The following INSYN2A variants were observed in gnomAD, a reference collection of about 807,000 sequenced individuals.
INSYN2A encodes the protein family with sequence similarity 196 member A.
Under a neutral mutation model 39.4 loss-of-function variants are expected in INSYN2A, and 17 were observed. The ratio of observed to expected loss-of-function variants is 0.43; its 90% confidence interval spans 0.30 to 0.65. The LOEUF is 0.65. Ranked by LOEUF, INSYN2A falls within the 30% of genes least tolerant of loss-of-function variation. The pLI, the probability that INSYN2A is intolerant of heterozygous loss-of-function variation, is 0.14. For missense variants in INSYN2A, 595 were observed against 631.2 expected (o/e 0.94, Z 0.61); for synonymous variants, 255 against 265.7 (o/e 0.96, Z 0.39).
intron 2 of INSYN2A, among the ~76,000 whole-genome samples, chr10:127,186,413 G>A (rs2056233399): frequency 6.7e-6 from 1 of 149,442 alleles, no homozygotes; most frequent in African/African-American, 2.5e-5. Context: ...TGTAATCCCA[G>A]CTACTTGGGA....
At position 127,175,600 on chromosome 10, in the gene INSYN2A, G is replaced by C; in HGVS notation, c.796C>G (p.Pro266Ala). ...GCAGAGTCTGACAAACCAGGCTCGG[G>C]GGCCCTGGCACTGAGGGCAGGTGCG... ...VYAPALSARA[P>A]EPGLSDSAAA... The change falls in exon 4 of 6, where the codon CCC (proline) becomes GCC (alanine). Residue 266 changes from proline to alanine, a missense_variant. By Grantham distance (27) the Pro-to-Ala change is conservative (BLOSUM62 -1). Around this residue, in one of 2 missense-constraint regions of INSYN2A, gnomAD observed 478 missense variants for 467.4 expected, o/e 1.02. Transcript: ENST00000522781. The surrounding 1 kb of genome is among the most constrained non-coding windows in gnomAD (Gnocchi z 6.3). 1 of 1,612,648 alleles carries C rather than the reference G, an allele frequency of 6.2e-7. No individual in the cohort carries two copies. Among genetic ancestry groups the C allele is most frequent in the Non-Finnish European group, 8.5e-7 (1 of 1,179,912 alleles).
At chr10:127,169,903 C>T (rs777827488) in intron 4 of INSYN2A, among the ~76,000 whole-genome samples, 2 of 152,146 alleles carry the variant, frequency 1.3e-5, no homozygotes, top group Non-Finnish European at 2.9e-5. Flanking sequence ...TGTATTAACT[C>T]GTTCCATCCC....
At chr10:127,148,139 C>A (rs2052097800) in intron 5 of INSYN2A, among the ~76,000 whole-genome samples, 1 of 152,172 alleles carries the variant, frequency 6.6e-6, no homozygotes, top group Non-Finnish European at 1.5e-5. Flanking sequence ...CACAAGCTCC[C>A]CCTCTCTGAT....
chr10:127,145,071 C>CT (rs1716181302), intron 5 of INSYN2A, among the ~76,000 whole-genome samples: 1 of 152,188 alleles, frequency 6.6e-6, no homozygotes, highest in African/African-American at 2.4e-5. Context: ...CGTGACCATA[C>CT]TGGAGAACTT....
chr10:127,176,196 C>G lies in INSYN2A; in HGVS notation c.200G>C (p.Gly67Ala). 6.2e-7 allele frequency: 1 copy of G among 1,614,098 alleles called. No homozygotes were observed. ...GGCCTCCCGCTTCTCCCCCAGCTGG[C>G]CCGAGGACAGCTGTGTGTCCCTCTG... The part of the protein sequence containing the change: ...NEQRDTQLSS[G>A]QLGEKREAKP... The change falls in exon 4 of 6, where the codon GGC becomes GCC. Residue 67 changes from glycine (G) to alanine (A), a missense_variant. Transcript: ENST00000522781. This position sits in a 1 kb window ranked among gnomAD's most constrained non-coding sequence, Gnocchi z 4.4.
intron 2 of INSYN2A, among the ~76,000 whole-genome samples, chr10:127,191,878 G>A (rs1335434081): frequency 1.3e-5 from 2 of 152,218 alleles, no homozygotes; most frequent in Non-Finnish European, 2.9e-5. Flanking sequence ...TGGAGTGAGA[G>A]CAACTTTTAT....
Position 127,147,623 on chromosome 10 carries a change from C to T in INSYN2A, c.1256+6229G>A, listed in dbSNP as rs535601429. 2.4e-4 allele frequency among the ~76,000 whole-genome samples: 37 copies of T among 152,254 alleles called. No homozygotes were observed. In the South Asian group the frequency reaches 2.7e-3, roughly 11 times the overall value. The stretch of plus-strand genomic sequence containing the variant: ...CACACTCCTCCCAGTCTCCCAGGGC[C>T]TGGTGCAGAACTTGTCCTTAGGAGG... On this transcript the variant is annotated intron_variant, in intron 5 of 5. Transcript: ENST00000522781.
intron 5 of INSYN2A, among the ~76,000 whole-genome samples, chr10:127,149,944 G>C (rs945118055): frequency 1.3e-5 from 2 of 152,154 alleles, no homozygotes; most frequent in Non-Finnish European, 2.9e-5. Flanking sequence ...CTAAGAGCCA[G>C]GCTTTGATCT....
At position 127,175,437 on chromosome 10, in the gene INSYN2A, T is replaced by C. The variant is rs1235460391; in HGVS notation, c.959A>G (p.Glu320Gly). Residue 320 changes from glutamate (E) to glycine (G), a missense_variant, in exon 4 of 6, where the codon GAG becomes GGG. Physicochemically the swap from Glu to Gly is moderately conservative, Grantham distance 98 (BLOSUM62 -2). Transcript: ENST00000522781. This position sits in a 1 kb window ranked among gnomAD's most constrained non-coding sequence, Gnocchi z 6.3. ...CGGGGTGTGAGTCTGCGACGGCTGC[T>C]CACTACATTCGGGGGACAGGCACTG... ...PMQCLSPECS[E>G]QPSQTHTPPG... 6.2e-7 allele frequency: 1 copy of C among 1,612,502 alleles called. No homozygotes were observed. The highest frequency in any genetic ancestry group is 8.5e-7 in the Non-Finnish European group (1 of 1,180,016).
At chr10:127,139,899 C>T (rs2051060501) in intron 5 of INSYN2A, among the ~76,000 whole-genome samples, 1 of 152,122 alleles carries the variant, frequency 6.6e-6, no homozygotes, top group Admixed American at 6.5e-5. Context: ...GATCACTAAT[C>T]TTATAATGGA....
intron 2 of INSYN2A, among the ~76,000 whole-genome samples, chr10:127,187,744 AAGAGAGAAAGAG>A (rs2056411488): frequency 2.5e-5 from 1 of 40,084 alleles, no homozygotes; most frequent in Admixed American, 3.0e-4. Flanking sequence ...GAAAGAAAGA[AAGAGAGAAAGAG>A]AGAAAGAAAG....
At chr10:127,140,432 G>A (rs2133272771) in intron 5 of INSYN2A, among the ~76,000 whole-genome samples, 1 of 152,314 alleles carries the variant, frequency 6.6e-6, no homozygotes, top group Middle Eastern at 3.4e-3. Flanking sequence ...CCAGCAAGTT[G>A]ACCCTGAGGT....
chr10:127,160,043 T>C (rs1444516597), intron 4 of INSYN2A, among the ~76,000 whole-genome samples: 2 of 151,846 alleles, frequency 1.3e-5, no homozygotes, highest in Non-Finnish European at 2.9e-5. Context: ...GCTTAGTGTC[T>C]CCGAGACCTT....
At chr10:127,148,617 G>C (rs1391566571) in intron 5 of INSYN2A, among the ~76,000 whole-genome samples, 1 of 152,158 alleles carries the variant, frequency 6.6e-6, no homozygotes, top group Non-Finnish European at 1.5e-5. Context: ...CCGAACAAAA[G>C]CTGAATCATC....
rs1428778012 is a variant in INSYN2A at position 127,196,504 on chromosome 10, G to A, written c.-902C>T. ...CGCTGCTCCAGGTCCCAGCTACTCC[G>A]CGGAGCCGGGCGGCCAGAGGCGAGG... is the stretch of plus-strand genomic sequence containing the variant. On this transcript the variant is annotated 5_prime_UTR_variant, in exon 1 of 6. Coordinates refer to ENST00000522781, the MANE Select transcript of INSYN2A (RefSeq NM_001039762.3). Among the ~76,000 whole-genome samples the A allele has an allele frequency of 6.1e-5, 9 of 148,130 alleles. No homozygotes were observed. Among genetic ancestry groups the A allele is most frequent in the African/African-American group, 1.7e-4 (7 of 41,032 alleles).
At chr10:127,141,845 C>A (rs1592191278) in intron 5 of INSYN2A, among the ~76,000 whole-genome samples, 1 of 152,188 alleles carries the variant, frequency 6.6e-6, no homozygotes, top group South Asian at 2.1e-4. Context: ...CAGAACCACT[C>A]CAGATGGAGT....
At chr10:127,181,960 T>C (rs1219650990) in intron 2 of INSYN2A, among the ~76,000 whole-genome samples, 3 of 152,186 alleles carry the variant, frequency 2.0e-5, no homozygotes, top group African/African-American at 7.2e-5. Flanking sequence ...TGAAATGTTA[T>C]TTTTTCCCTA....
At chr10:127,195,344 G>C (rs1201929183) in intron 1 of INSYN2A, among the ~76,000 whole-genome samples, 4 of 152,148 alleles carry the variant, frequency 2.6e-5, no homozygotes, top group Admixed American at 2.0e-4. Flanking sequence ...CGCCTGTCCC[G>C]GTCTGACTCG....
At chr10:127,167,436 G>A (rs1211925045) in intron 4 of INSYN2A, among the ~76,000 whole-genome samples, 1 of 152,142 alleles carries the variant, frequency 6.6e-6, no homozygotes, top group Non-Finnish European at 1.5e-5. Flanking sequence ...GAAGTGTCAA[G>A]AGGAAAAAGA....
Sources: allele counts gnomAD v4.1 joint callset (sites outside exome capture counted in the v4.1 genomes callset), GRCh38; gene constraint gnomAD v4.1.1; regional missense constraint gnomAD v4.1.1; non-coding constraint Gnocchi (gnomAD v3.1); transcripts MANE v1.5; gene names NCBI Gene and HGNC (gene_info 2026-07-23, HGNC 2026-07-21).